EIF4G1: variants seen among roughly 807,000 people sequenced by gnomAD.
The protein encoded by EIF4G1 is eukaryotic translation initiation factor 4 gamma 1, also known as EIF4-gamma.
In EIF4G1, 4 loss-of-function variants were observed where a neutral mutation model predicts 187.8. The ratio of observed to expected loss-of-function variants is 0.02; its 90% CI spans 0.01 to 0.05. The LOEUF is 0.05. EIF4G1 is among the 10% of genes least tolerant of loss of function. EIF4G1 has a pLI of 1.00. For synonymous variants in EIF4G1, 844 were observed against 781.4 expected, an observed-to-expected ratio of 1.08 and a Z score of -1.34; for missense variants, 1,647 against 2,081.1, an observed-to-expected ratio of 0.79 and a Z score of 4.06.
intron 7 of EIF4G1, 92 bp downstream of exon 7, chr3:184,319,893 T>C: frequency 1.0e-6 from 1 of 957,500 alleles, no homozygotes; most frequent in Non-Finnish European, 1.7e-6. Flanking sequence ...AGCAGTGACT[T>C]GAGGAGGAAG....
rs1300989569 is a variant in EIF4G1, at chr3:184,315,850, C to T, written c.54C>T (p.Leu18=). 1 of 1,383,808 alleles carries T rather than the reference C, an allele frequency of 7.2e-7. No homozygotes were observed. Among genetic ancestry groups the T allele is most frequent in the Non-Finnish European group, 9.8e-7 (1 of 1,018,240 alleles). The allele number at this position is 1,383,808 out of a possible 1,614,324, so 85.7% of individuals were successfully genotyped here. The change falls in exon 3 of 33, where the codon CTC becomes CTT. Residue 18 remains leucine (L), a synonymous_variant. Coordinates refer to ENST00000346169, the MANE Select transcript of EIF4G1 (RefSeq NM_198241.3). ...TGPPPAPSPG[L]PQPAFPPGQT... is the part of the protein sequence containing the mutation. ...CCCCACCCGCCCCATCCCCCGGACT[C>T]CCACAGGTAATTAGGGAGGAATTAG...
At chr3:184,316,898 A>C (rs970049433) in intron 4 of EIF4G1, among the ~76,000 whole-genome samples, 8 of 152,178 alleles carry the variant, frequency 5.3e-5, no homozygotes, top group African/African-American at 1.9e-4. Context: ...CTACATCTTG[A>C]AGAACGCGCA....
Position 184,327,590 on chromosome 3 carries a change from G to A in EIF4G1, c.3666G>A (p.Lys1222=). 6.2e-7 allele frequency: 1 copy of A among 1,614,134 alleles called. No homozygotes were observed. Among genetic ancestry groups the A allele is most frequent in the Non-Finnish European group, 8.5e-7 (1 of 1,179,962 alleles). The change falls in exon 25 of 33, where the codon AAG becomes AAA. Residue 1222 remains lysine (K), a synonymous_variant. Coordinates refer to ENST00000346169, the MANE Select transcript of EIF4G1 (RefSeq NM_198241.3). Reference sequence around the variant, plus strand: ...ATCTGTGTTCTCTTCCCACAGTGAAGCGAGAAGCTGCCCTACCCCCAGTGA... The same window carrying A: ...ATCTGTGTTCTCTTCCCACAGTGAAACGAGAAGCTGCCCTACCCCCAGTGA... The part of the protein sequence containing the change: ...EDRDRGRDAV[K]REAALPPVSP...
chr3:184,327,247 G>C lies in EIF4G1; in HGVS notation c.3460G>C (p.Ala1154Pro). The C allele has an allele frequency of 1.2e-6, 2 of 1,613,106 alleles. No individual in the cohort carries two copies. Among genetic ancestry groups the C allele is most frequent in the East Asian group, 2.2e-5 (1 of 44,894 alleles). Residue 1154 changes from alanine (A) to proline (P), a missense_variant, in exon 24 of 33, where the codon GCT becomes CCT. By Grantham distance (27) the Ala-to-Pro change is conservative. Coordinates refer to ENST00000346169, the MANE Select transcript of EIF4G1 (RefSeq NM_198241.3). ...CTTGAGCCGAGAACGAGGCGAGAAA[G>C]CTGGAGACCGAGGAGACCGCCTAGA... ...SSLSRERGEK[A>P]GDRGDRLERS...
chr3:184,321,016 G>C (rs1009107216), intron 9 of EIF4G1, 23 bp downstream of exon 9: 4 of 1,611,790 alleles, frequency 2.5e-6, no homozygotes, highest in Admixed American at 1.7e-5. Context: ...GTGGGACGGA[G>C]CTTTTATGGG....
chr3:184,330,755 T>G (rs771744571), intron 28 of EIF4G1, among the ~76,000 whole-genome samples: 2 of 152,104 alleles, frequency 1.3e-5, no homozygotes, highest in African/African-American at 2.4e-5. Context: ...TATTATTATT[T>G]TTTTGAGACA....
At position 184,322,974 on chromosome 3, in the gene EIF4G1, G is replaced by T. The variant is rs753534825; in HGVS notation, c.1929+20G>T. Reference sequence around the variant, plus strand: ...GACAAGGTTAGTGGCTTCAGTTGGGGAGGGGACGATAAGTTTGTGCTGGAT... The same window carrying T: ...GACAAGGTTAGTGGCTTCAGTTGGGTAGGGGACGATAAGTTTGTGCTGGAT... On this transcript the variant is annotated intron_variant, in intron 13 of 32. Transcript: ENST00000346169. 6.2e-7 allele frequency: 1 copy of T among 1,614,212 alleles called. No individual in the cohort carries two copies. The highest frequency in any genetic ancestry group is 1.1e-5 in the South Asian group (1 of 91,086).
chr3:184,327,166 G>A, intron 23 of EIF4G1, 50 bp from the exon 24 acceptor site: 1 of 1,606,048 alleles, frequency 6.2e-7, no homozygotes, highest in South Asian at 1.1e-5. Flanking sequence ...GTAATTACAT[G>A]AGTGCCTGGG....
chr3:184,334,385 G>A lies in EIF4G1; in HGVS notation c.4619-342G>A, dbSNP rs1210367597. Among the ~76,000 whole-genome samples, 1 of 152,156 alleles carries A rather than the reference G, an allele frequency of 6.6e-6. No homozygotes were observed. Among genetic ancestry groups the A allele is most frequent in the Non-Finnish European group, 1.5e-5 (1 of 68,024 alleles). On this transcript the variant is annotated intron_variant, in intron 32 of 32. Coordinates refer to ENST00000346169, the MANE Select transcript of EIF4G1 (RefSeq NM_198241.3). The surrounding 1 kb of genome is among the most constrained non-coding windows in gnomAD (Gnocchi z 5.8). The stretch of plus-strand genomic sequence containing the variant: ...AGGATATATATAGGACTTTATGTAT[G>A]ATATATATAGGACTTTTAGCGATTT...
At position 184,331,454 on chromosome 3, in the gene EIF4G1, G is replaced by A. The variant is rs373468961; in HGVS notation, c.4261-18G>A. 30 of 1,614,098 alleles carry A rather than the reference G, an allele frequency of 1.9e-5. No individual in the cohort carries two copies. Among genetic ancestry groups the A allele is most frequent in the East Asian group, 4.5e-5 (2 of 44,880 alleles). On this transcript the variant is annotated intron_variant, in intron 29 of 32. Coordinates refer to ENST00000346169, the MANE Select transcript of EIF4G1 (RefSeq NM_198241.3). ...GTTGGCAACCTTACCTCTTAACTGC[G>A]GGCCTTTTCCATTGCAGAAGGTGGA...
At position 184,334,897 on chromosome 3, in the gene EIF4G1, G is replaced by C. The variant is rs1391587400; in HGVS notation, c.4789G>C (p.Asp1597His). The C allele has an allele frequency of 6.2e-7, 1 of 1,614,142 alleles. No homozygotes were observed. The highest frequency in any genetic ancestry group is 8.5e-7 in the Non-Finnish European group (1 of 1,180,022). Reference sequence around the variant, plus strand: ...GCTCCGTGAAGCAGAGGAGGAGTCTGACCACAACTGAGGGCTGGTGGGGCC... The same window carrying C: ...GCTCCGTGAAGCAGAGGAGGAGTCTCACCACAACTGAGGGCTGGTGGGGCC... Reference protein sequence around the residue: ...KWLREAEEESDHN With the variant: ...KWLREAEEESHHN Residue 1597 changes from aspartate (D) to histidine (H), a missense_variant, in exon 33 of 33, where the codon GAC (aspartate) becomes CAC (histidine). Physicochemically the swap from Asp to His is moderately conservative, Grantham distance 81. Transcript: ENST00000346169. The surrounding 1 kb of genome is among the most constrained non-coding windows in gnomAD (Gnocchi z 5.8).
chr3:184,325,217 G>T lies in EIF4G1; in HGVS notation c.2857-52G>T. The T allele has an allele frequency of 1.2e-6, 2 of 1,609,408 alleles. No homozygotes were observed. The highest frequency in any genetic ancestry group is 1.7e-5 in the Admixed American group (1 of 60,026). The stretch of plus-strand genomic sequence containing the variant: ...GGCCTGAGGAGGGGTGGGGCCTGCA[G>T]TTATAGGTGGGACATGAGAAGTTCC... On this transcript the variant is annotated intron_variant, in intron 18 of 32. Coordinates refer to ENST00000346169, the MANE Select transcript of EIF4G1 (RefSeq NM_198241.3). This position sits in a 1 kb window ranked among gnomAD's most constrained non-coding sequence, Gnocchi z 5.2.
chr3:184,315,723 G>T, intron 2 of EIF4G1, 40 bp from the exon 3 acceptor site: 2 of 1,488,048 alleles, frequency 1.3e-6, no homozygotes, highest in Non-Finnish European at 1.8e-6. Context: ...CCTTAAGCTT[G>T]GGTCCCTTCC....
rs762105656 is a variant in EIF4G1 at position 184,325,864 on chromosome 3, C to T, written c.3135C>T (p.Pro1045=). 3 of 1,614,034 alleles carry T rather than the reference C, an allele frequency of 1.9e-6. No homozygotes were observed. The South Asian group carries it at 3.3e-5, about 18-fold the overall frequency. ...PPGPPISRGL[P]LVDDGGWNTV... is the part of the protein sequence containing the mutation. ...TTTTTGTGTCAGGCCGTGGACTTCC[C>T]CTTGTGGATGATGGTGGCTGGAACA... Residue 1045 remains proline (P), a synonymous_variant, in exon 21 of 33, where the codon CCC becomes CCT. Coordinates refer to ENST00000346169, the MANE Select transcript of EIF4G1 (RefSeq NM_198241.3). This position sits in a 1 kb window ranked among gnomAD's most constrained non-coding sequence, Gnocchi z 5.2.
intron 4 of EIF4G1, 25 bp downstream of exon 4, chr3:184,316,243 AG>A: frequency 6.2e-7 from 1 of 1,613,362 alleles, no homozygotes; most frequent in African/African-American, 1.3e-5. Flanking sequence ...GGAGGGGAGT[AG>A]GGGACCTGGG....
chr3:184,315,961 T>A, intron 3 of EIF4G1, 105 bp downstream of exon 3: 2 of 1,508,652 alleles, frequency 1.3e-6, no homozygotes, highest in Non-Finnish European at 8.9e-7. Context: ...TGCAGCCGCC[T>A]GCTGCCAAAT....
intron 7 of EIF4G1, chr3:184,320,221 G>T (rs1162185380): frequency 8.4e-7 from 1 of 1,196,120 alleles, no homozygotes; most frequent in African/African-American, 1.6e-5. Context: ...GCCAGAGCTG[G>T]GGAAGCCGCT....
rs1399981164 is a variant in EIF4G1 at position 184,325,411 on chromosome 3, C to T, written c.2961+38C>T. On this transcript the variant is annotated intron_variant, in intron 19 of 32. Coordinates refer to ENST00000346169, the MANE Select transcript of EIF4G1 (RefSeq NM_198241.3). This position sits in a 1 kb window ranked among gnomAD's most constrained non-coding sequence, Gnocchi z 5.2. ...CTCCTCCCCACTGCCAGCCTGCTGCCTCCAGTTTCTGACACTGCCTTGTCT... is the reference window on the plus strand; with the variant it reads ...CTCCTCCCCACTGCCAGCCTGCTGCTTCCAGTTTCTGACACTGCCTTGTCT... The T allele has an allele frequency of 2.5e-6, 4 of 1,614,062 alleles. No individual in the cohort carries two copies. Among genetic ancestry groups the T allele is most frequent in the African/African-American group, 1.3e-5 (1 of 74,928 alleles).
Position 184,323,604 on chromosome 3 carries a change from G to A in EIF4G1, c.2274+11G>A. Reference sequence around the variant, plus strand: ...GGCAGCAAAACCCAGGTACTGGCAAGTCCTGCTTTTGGTCTCTCTCCATTT... The same window carrying A: ...GGCAGCAAAACCCAGGTACTGGCAAATCCTGCTTTTGGTCTCTCTCCATTT... On this transcript the variant is annotated intron_variant, in intron 15 of 32. Transcript: ENST00000346169. This position sits in a 1 kb window ranked among gnomAD's most constrained non-coding sequence, Gnocchi z 6.9. The A allele has an allele frequency of 6.2e-7, 1 of 1,613,920 alleles. No homozygotes were observed. Among genetic ancestry groups the A allele is most frequent in the Non-Finnish European group, 8.5e-7 (1 of 1,180,016 alleles).
Sources: gnomAD v4.1 joint callset for allele counts (sites outside exome capture counted in the v4.1 genomes callset) on GRCh38, gnomAD v4.1.1 for gene constraint, Gnocchi (gnomAD v3.1) non-coding constraint, MANE v1.5 for transcripts, NCBI Gene and HGNC (gene_info 2026-07-23, HGNC 2026-07-21) for gene names.